Variants in URM1 observed in about 807,000 individuals in gnomAD.
URM1 encodes the protein ubiquitin-related modifier 1.
URM1 carries 11 observed loss-of-function variants against 17.7 expected under a neutral mutation model. That is an observed-to-expected ratio of 0.62 (90% CI 0.39 to 1.03). The LOEUF (loss-of-function observed/expected upper bound fraction) is 1.03, where lower values mean the gene tolerates loss of function less well. Ranked by LOEUF, URM1 falls within the 50% of genes least tolerant of loss-of-function variation. URM1 has a pLI of 0.00. For synonymous variants in URM1, 48 were observed against 50.6 expected (o/e 0.95, Z 0.22); for missense variants, 128 against 129.2 (o/e 0.99, Z 0.04).
At chr9:128,371,499 A>G (rs1833012179) in intron 1 of URM1, 84 bp downstream of exon 1, 3 of 1,446,198 alleles carry the variant, frequency 2.1e-6, no homozygotes, top group African/African-American at 1.4e-5. Flanking sequence ...GGGGCCTGAC[A>G]CGGCCGAATC....
At chr9:128,371,513 G>A (rs1457896572) in intron 1 of URM1, 98 bp downstream of exon 1, 9 of 1,289,902 alleles carry the variant, frequency 7.0e-6, no homozygotes, top group Non-Finnish European at 9.9e-6. Context: ...CCGAATCACT[G>A]GGTGTCCCAG....
rs928503524 is a variant in URM1 at position 128,371,546 on chromosome 9, C to T, written c.35+131C>T. The T allele has an allele frequency of 4.3e-6, 4 of 923,166 alleles. No individual in the cohort carries two copies. The Admixed American group carries it at 7.2e-5, about 17-fold the overall frequency. The allele number at this position is 923,166 out of a possible 1,614,324, so 57.2% of individuals were successfully genotyped here. ...CAGTGCCCGCTGTGAGCTACGCTAC[C>T]CGCCTAGGAGAGTCTGAGAGGCCAG... On this transcript the variant is annotated intron_variant, in intron 1 of 4. Coordinates refer to ENST00000372853, the MANE Select transcript of URM1 (RefSeq NM_030914.4).
intron 1 of URM1, among the ~76,000 whole-genome samples, chr9:128,374,254 C>T (rs759482244): frequency 6.6e-6 from 1 of 152,186 alleles, no homozygotes; most frequent in Non-Finnish European, 1.5e-5. Flanking sequence ...TCAGCAGTGA[C>T]AGGTCACTCT....
intron 4 of URM1, 74 bp downstream of exon 4, chr9:128,389,383 C>T (rs1283375374): frequency 1.2e-6 from 2 of 1,613,560 alleles, no homozygotes; most frequent in African/African-American, 1.3e-5. Flanking sequence ...TGGGCCTCTC[C>T]TCAGGCACAT....
intron 3 of URM1, chr9:128,389,025 G>A (rs890967548): frequency 7.4e-7 from 1 of 1,344,644 alleles, no homozygotes; most frequent in Non-Finnish European, 9.5e-7. Flanking sequence ...GGTCTGGGTG[G>A]TGGTGCTGGC....
intron 2 of URM1, among the ~76,000 whole-genome samples, chr9:128,379,766 C>T (rs1347734586): frequency 1.4e-5 from 2 of 142,302 alleles, no homozygotes; most frequent in East Asian, 1.9e-4. Flanking sequence ...TGCCACTGCA[C>T]TCCAGCCTGG....
At chr9:128,389,453 TC>T in intron 4 of URM1, 144 bp downstream of exon 4, 2 of 1,574,992 alleles carry the variant, frequency 1.3e-6, no homozygotes, top group Non-Finnish European at 1.7e-6. Flanking sequence ...TGCTGGAGTC[TC>T]CCACTCCAGG....
chr9:128,386,489 G>C lies in URM1; in HGVS notation c.107-1327G>C, dbSNP rs367789287. On this transcript the variant is annotated intron_variant, in intron 2 of 4. Transcript: ENST00000372853. ...GGCAGTCTCAGTCCATGGACACTTT[G>C]CCCGTGGCCCTGTGCTTTGCTGGCG... Among the ~76,000 whole-genome samples, 50 of 152,350 alleles carry C rather than the reference G, an allele frequency of 3.3e-4. 3 individuals are homozygous for C. The highest frequency in any genetic ancestry group is 1.2e-3 in the African/African-American group (48 of 41,582).
chr9:128,386,420 C>G (rs1035521764), intron 2 of URM1, among the ~76,000 whole-genome samples: 2 of 152,342 alleles, frequency 1.3e-5, no homozygotes, highest in African/African-American at 4.8e-5. Context: ...ACCGTGAAGA[C>G]TCTGATCTGC....
chr9:128,372,268 A>ATGTG (rs150609498), intron 1 of URM1, among the ~76,000 whole-genome samples: 8 of 150,034 alleles, frequency 5.3e-5, no homozygotes, highest in East Asian at 1.9e-4. Context: ...ATAGGTAGGG[A>ATGTG]TGTGTGTGTG....
chr9:128,388,957 C>G, intron 3 of URM1: 8 of 1,220,332 alleles, frequency 6.6e-6, no homozygotes, highest in Non-Finnish European at 8.2e-6. Flanking sequence ...TAGACAGTAT[C>G]ACTTATCCCA....
intron 2 of URM1, among the ~76,000 whole-genome samples, chr9:128,378,542 CAAAAAAAAAAAAAAA>C (rs58676800): frequency 0.16 from 3,620 of 23,222 alleles, 211 homozygotes; most frequent in African/African-American, 0.3. Context: ...GACTCCATCT[CAAAAAAAAAAAAAAA>C]AAAAAAAAAA....
At position 128,391,129 on chromosome 9, in the gene URM1, A is replaced by T; in HGVS notation, c.*1395A>T. 6.6e-6 allele frequency: 1 copy of T among 152,250 alleles called. No individual in the cohort carries two copies. The highest frequency in any genetic ancestry group is 1.9e-4 in the East Asian group (1 of 5,208). 9.4% of individuals were successfully genotyped at this position (152,250 alleles called of 1,614,324 possible). ...TGCTGGAGGGAGACCCCCAAAAAGA[A>T]TTAGGGTGCTAACATCCCACCAAAA... On this transcript the variant is annotated 3_prime_UTR_variant, in exon 5 of 5. Transcript: ENST00000372853.
At chr9:128,371,319 C>A, upstream of URM1, 3 of 1,587,236 alleles carry the variant, frequency 1.9e-6, no homozygotes, top group Non-Finnish European at 2.6e-6. Context: ...CCGGAGACGC[C>A]CGGAAATTTG....
Position 128,389,355 on chromosome 9 carries a change from G to A in URM1, c.237+46G>A, listed in dbSNP as rs774917650. 1.7e-5 allele frequency: 27 copies of A among 1,613,794 alleles called. No individual in the cohort carries two copies. The Admixed American group carries it at 4.3e-4, about 26-fold the overall frequency. On this transcript the variant is annotated intron_variant, in intron 4 of 4. Transcript: ENST00000372853. ...CCCTCCCCCAGCCCCTGCCCTTGCT[G>A]CTTCAGTGGGAAAGCGTTGGGCCTC...
chr9:128,383,383 C>T (rs1273103658), intron 2 of URM1, among the ~76,000 whole-genome samples: 1 of 152,158 alleles, frequency 6.6e-6, no homozygotes, highest in African/African-American at 2.4e-5. Flanking sequence ...TGTTACTCCC[C>T]CCTTGCCAGC....
At chr9:128,372,321 GT>G (rs1793139077) in intron 1 of URM1, among the ~76,000 whole-genome samples, 1 of 150,336 alleles carries the variant, frequency 6.7e-6, no homozygotes, top group African/African-American at 2.5e-5. Context: ...CTGTGTGTGT[GT>G]AGATAAGCCA....
upstream of URM1, chr9:128,371,372 T>G: frequency 6.2e-7 from 1 of 1,613,118 alleles, no homozygotes; most frequent in Non-Finnish European, 8.5e-7. Flanking sequence ...CGAGCTCGGC[T>G]TCCTCAACAT....
intron 1 of URM1, among the ~76,000 whole-genome samples, chr9:128,374,917 CAGG>C (rs1259295942): frequency 4.6e-5 from 7 of 152,342 alleles, no homozygotes; most frequent in Non-Finnish European, 8.8e-5. Flanking sequence ...TTCCCTTGGC[CAGG>C]TGCTGGGACA....
Sources: gnomAD v4.1 joint callset for allele counts (sites outside exome capture counted in the v4.1 genomes callset) on GRCh38, gnomAD v4.1.1 for gene constraint, MANE v1.5 for transcripts, NCBI Gene and HGNC (gene_info 2026-07-23, HGNC 2026-07-21) for gene names.